PTPRD: variants seen among roughly 807,000 people sequenced by gnomAD.
PTPRD encodes protein tyrosine phosphatase receptor type D.
Under a neutral mutation model 214.5 loss-of-function variants are expected in PTPRD, and 34 were observed. The ratio of observed to expected loss-of-function variants is 0.16; its 90% CI spans 0.12 to 0.21. The LOEUF is 0.21. PTPRD is among the 10% of genes least tolerant of loss of function. The pLI, the probability that PTPRD is intolerant of heterozygous loss-of-function variation, is 1.00. For synonymous variants in PTPRD, 1,128 were observed against 845.7 expected (o/e 1.33, Z -5.79); for missense variants, 2,545 against 2,398.7 (o/e 1.06, Z -1.27).
rs938237899 is a variant in PTPRD, at chr9:9,675,172, G to T, written c.-287+59361C>A. 1.6e-4 allele frequency among the ~76,000 whole-genome samples: 25 copies of T among 151,874 alleles called. 1 individual carries two copies. Among genetic ancestry groups the T allele is most frequent in the Admixed American group, 1.6e-3 (24 of 15,242 alleles). ...AAAGAGAAACAAACAATCTGTATAC[G>T]TTTAAATACTCCAAAGTATCTCATG... On this transcript the variant is annotated intron_variant, in intron 7 of 45. Transcript: ENST00000381196.
chr9:8,630,163 G>A (rs1213667955), intron 14 of PTPRD, among the ~76,000 whole-genome samples: 1 of 151,782 alleles, frequency 6.6e-6, no homozygotes, highest in Non-Finnish European at 1.5e-5. Flanking sequence ...GTAAAGCAGG[G>A]AGAAAGTAAA....
chr9:8,836,961 AC>A (rs2097440297), intron 11 of PTPRD, among the ~76,000 whole-genome samples: 1 of 148,218 alleles, frequency 6.7e-6, no homozygotes. Flanking sequence ...ACCATTAATA[AC>A]CCACCCATCC....
At chr9:8,863,355 C>G (rs2098139543) in intron 11 of PTPRD, among the ~76,000 whole-genome samples, 1 of 152,168 alleles carries the variant, frequency 6.6e-6, no homozygotes, top group Non-Finnish European at 1.5e-5. Context: ...TTGGCACTAT[C>G]CCAACCCAAG....
intron 14 of PTPRD, among the ~76,000 whole-genome samples, chr9:8,551,147 T>C (rs1018484652): frequency 7.2e-5 from 11 of 152,246 alleles, no homozygotes; most frequent in Non-Finnish European, 1.6e-4. Flanking sequence ...CATAATTATA[T>C]CAAAGGGTAC....
At chr9:8,587,015 T>A (rs757295637) in intron 14 of PTPRD, among the ~76,000 whole-genome samples, 36 of 152,180 alleles carry the variant, frequency 2.4e-4, no homozygotes, top group Admixed American at 1.0e-3. Flanking sequence ...GGCATGGTGG[T>A]GGCGGGTGCC....
chr9:10,243,502 C>G (rs1019599229), intron 3 of PTPRD, among the ~76,000 whole-genome samples: 2 of 151,968 alleles, frequency 1.3e-5, no homozygotes, highest in Non-Finnish European at 2.9e-5. Flanking sequence ...CAATGTCCTT[C>G]CACCTATACA....
At chr9:8,858,827 A>ACACC (rs974854352) in intron 11 of PTPRD, among the ~76,000 whole-genome samples, 2 of 136,302 alleles carry the variant, frequency 1.5e-5, no homozygotes, top group African/African-American at 5.7e-5. Flanking sequence ...ACACACACAC[A>ACACC]CATACACACA....
chr9:8,712,875 C>T (rs747136169), intron 12 of PTPRD, among the ~76,000 whole-genome samples: 6 of 152,080 alleles, frequency 3.9e-5, no homozygotes, highest in African/African-American at 7.2e-5. Context: ...CCCGCCACCA[C>T]GCCTGACTAA....
intron 5 of PTPRD, among the ~76,000 whole-genome samples, chr9:9,773,722 C>G (rs2098772882): frequency 6.6e-6 from 1 of 152,130 alleles, no homozygotes; most frequent in Non-Finnish European, 1.5e-5. Flanking sequence ...TCATGAATGC[C>G]AATTTATGCT....
chr9:10,207,714 G>A (rs1226950207), intron 3 of PTPRD, among the ~76,000 whole-genome samples: 1 of 151,360 alleles, frequency 6.6e-6, no homozygotes, highest in East Asian at 1.9e-4. Flanking sequence ...CTTTCATAGT[G>A]TTACAAAAAT....
chr9:9,974,610 C>T (rs1484213305), intron 4 of PTPRD, among the ~76,000 whole-genome samples: 1 of 152,090 alleles, frequency 6.6e-6, no homozygotes, highest in Non-Finnish European at 1.5e-5. Context: ...GATAAATTTC[C>T]TAGGCTGAGT....
At chr9:9,622,660 A>G (rs191433775) in intron 7 of PTPRD, among the ~76,000 whole-genome samples, 1 of 152,342 alleles carries the variant, frequency 6.6e-6, no homozygotes, top group Admixed American at 6.5e-5. Context: ...AAAAGTTCAT[A>G]AAGTCAACTC....
chr9:9,007,260 C>A (rs930966192), intron 11 of PTPRD, among the ~76,000 whole-genome samples: 1 of 150,304 alleles, frequency 6.7e-6, no homozygotes, highest in Non-Finnish European at 1.5e-5. Flanking sequence ...TTCACTCTAC[C>A]CTTCAACTCT....
chr9:8,371,532 A>G (rs375052624), intron 39 of PTPRD, among the ~76,000 whole-genome samples: 48 of 152,038 alleles, frequency 3.2e-4, no homozygotes, highest in African/African-American at 1.0e-3. Context: ...ATAAATGGGG[A>G]ATAAGCTTAA....
intron 11 of PTPRD, among the ~76,000 whole-genome samples, chr9:8,771,704 T>C (rs2154485511): frequency 6.6e-6 from 1 of 152,260 alleles, no homozygotes; most frequent in African/African-American, 2.4e-5. Flanking sequence ...AGGATAATTA[T>C]AAGAGAACAC....
intron 8 of PTPRD, among the ~76,000 whole-genome samples, chr9:9,468,934 A>G (rs1569568609): frequency 6.6e-6 from 1 of 152,158 alleles, no homozygotes; most frequent in Non-Finnish European, 1.5e-5. Flanking sequence ...AAATATCTCC[A>G]TAAAGGGGTT....
rs921082742 is a variant in PTPRD at position 10,191,495 on chromosome 9, G to A, written c.-545+149468C>T. 4.6e-5 allele frequency among the ~76,000 whole-genome samples: 7 copies of A among 152,020 alleles called. No individual in the cohort carries two copies. The East Asian group carries it at 1.4e-3, about 29-fold the overall frequency. ...AAGGGTAATTGAGCTCAGGAGAAGG[G>A]AAAAAATGCCTGCAATTTCCAGTCT... is the stretch of plus-strand genomic sequence containing the variant. On this transcript the variant is annotated intron_variant, in intron 3 of 45. Coordinates refer to ENST00000381196, the MANE Select transcript of PTPRD (RefSeq NM_002839.4).
Position 10,569,119 on chromosome 9 carries a change from C to T in PTPRD, c.-600+43279G>A, listed in dbSNP as rs182868054. On this transcript the variant is annotated intron_variant, in intron 2 of 45. Coordinates refer to ENST00000381196, the MANE Select transcript of PTPRD (RefSeq NM_002839.4). ...TCAAAAAATGGGCGAAGGATATGAACAGACACTTCTAAAAAGAAGACATTT... is the reference window on the plus strand; with the variant it reads ...TCAAAAAATGGGCGAAGGATATGAATAGACACTTCTAAAAAGAAGACATTT... 7.8e-4 allele frequency among the ~76,000 whole-genome samples: 119 copies of T among 152,206 alleles called. 1 individual carries two copies. The highest frequency in any genetic ancestry group is 2.6e-3 in the African/African-American group (106 of 41,536).
chr9:10,510,612 A>G (rs1305037868), intron 2 of PTPRD, among the ~76,000 whole-genome samples: 1 of 152,154 alleles, frequency 6.6e-6, no homozygotes, highest in Non-Finnish European at 1.5e-5. Flanking sequence ...TTTATGGAGT[A>G]CACATTATAT....
Sources: gnomAD v4.1 joint callset for allele counts (sites outside exome capture counted in the v4.1 genomes callset) on GRCh38, gnomAD v4.1.1 for gene constraint, MANE v1.5 for transcripts, NCBI Gene and HGNC (gene_info 2026-07-23, HGNC 2026-07-21) for gene names.